NPAS3: variants seen among roughly 807,000 people sequenced by gnomAD.
The protein encoded by NPAS3 is neuronal PAS domain protein 3.
Under a neutral mutation model 73.1 loss-of-function variants are expected in NPAS3, and 14 were observed. That is an observed-to-expected ratio of 0.19 (90% CI 0.13 to 0.30). The LOEUF (loss-of-function observed/expected upper bound fraction) is 0.30, where lower values mean the gene tolerates loss of function less well. NPAS3 is among the 10% of genes least tolerant of loss of function. The pLI is 1.00. For missense variants in NPAS3, 1,096 were observed against 1,250.0 expected, an observed-to-expected ratio of 0.88 and a Z score of 1.86; for synonymous variants, 620 against 541.5, an observed-to-expected ratio of 1.14 and a Z score of -2.01.
intron 4 of NPAS3, among the ~76,000 whole-genome samples, chr14:33,440,667 T>C (rs944320305): frequency 6.6e-6 from 1 of 151,774 alleles, no homozygotes; most frequent in Non-Finnish European, 1.5e-5. Context: ...CTGAGGCGGG[T>C]GGATCACCTG....
At chr14:33,335,068 G>GTGTGTGTGTGTGTGTGTGTGTGTGTA (rs1366925163) in intron 3 of NPAS3, among the ~76,000 whole-genome samples, 1 of 150,950 alleles carries the variant, frequency 6.6e-6, no homozygotes, top group African/African-American at 2.5e-5. Flanking sequence ...GTGTGTGTGT[G>GTGTGTGTGTGTGTGTGTGTGTGTGTA]TGTATCACAT....
At chr14:33,745,761 G>T (rs1392931756) in intron 7 of NPAS3, among the ~76,000 whole-genome samples, 1 of 152,174 alleles carries the variant, frequency 6.6e-6, no homozygotes, top group Non-Finnish European at 1.5e-5. Flanking sequence ...TATAGAAAAT[G>T]CATTTATTTC....
chr14:33,776,717 A>T (rs2062832156), intron 8 of NPAS3, among the ~76,000 whole-genome samples: 1 of 152,072 alleles, frequency 6.6e-6, no homozygotes, highest in African/African-American at 2.4e-5. Context: ...TGTTAATTTC[A>T]TTCCATTCAT....
intron 3 of NPAS3, among the ~76,000 whole-genome samples, chr14:33,282,928 G>A (rs2041689287): frequency 1.3e-5 from 2 of 152,130 alleles, no homozygotes; most frequent in African/African-American, 2.4e-5. Context: ...GACTACAGAA[G>A]CCTAACCCTG....
intron 2 of NPAS3, among the ~76,000 whole-genome samples, chr14:33,058,239 G>A (rs569916220): frequency 6.6e-6 from 1 of 152,248 alleles, no homozygotes; most frequent in South Asian, 2.1e-4. Context: ...GGGTCACAGG[G>A]CTGCAGTGAG....
chr14:33,581,464 A>C (rs2056659688), intron 5 of NPAS3, among the ~76,000 whole-genome samples: 1 of 152,248 alleles, frequency 6.6e-6, no homozygotes, highest in African/African-American at 2.4e-5. Flanking sequence ...ATATTGTAAA[A>C]AATCTGCTGC....
At chr14:33,148,657 A>G (rs75952685) in intron 2 of NPAS3, among the ~76,000 whole-genome samples, 2,007 of 152,242 alleles carry the variant, frequency 0.013, 50 homozygotes, top group African/African-American at 0.043. Context: ...AAAATCATTT[A>G]TGTGATTTGC....
intron 2 of NPAS3, among the ~76,000 whole-genome samples, chr14:33,065,580 A>G (rs1246530330): frequency 1.3e-5 from 2 of 152,048 alleles, no homozygotes; most frequent in Non-Finnish European, 2.9e-5. Flanking sequence ...TCGTATATCA[A>G]TTTGAGAATT....
chr14:33,344,333 A>G (rs547280805), intron 3 of NPAS3, among the ~76,000 whole-genome samples: 1 of 152,322 alleles, frequency 6.6e-6, no homozygotes, highest in African/African-American at 2.4e-5. Context: ...GCAATTAGTT[A>G]TTTCACTGTG....
chr14:33,017,261 C>T (rs1474756219), intron 1 of NPAS3, among the ~76,000 whole-genome samples: 1 of 152,114 alleles, frequency 6.6e-6, no homozygotes, highest in Non-Finnish European at 1.5e-5. Flanking sequence ...ATTGACAGCT[C>T]TTGAGAAGAC....
At chr14:33,371,742 TA>T (rs1566841667) in intron 4 of NPAS3, among the ~76,000 whole-genome samples, 1 of 152,182 alleles carries the variant, frequency 6.6e-6, no homozygotes, top group Non-Finnish European at 1.5e-5. Context: ...GCATATTTTC[TA>T]AAAAGAAAAG....
At chr14:33,533,423 G>A (rs1057422411) in intron 4 of NPAS3, among the ~76,000 whole-genome samples, 4 of 152,092 alleles carry the variant, frequency 2.6e-5, no homozygotes, top group African/African-American at 4.8e-5. Context: ...AGTGACAGAT[G>A]CTTTTGCTTC....
chr14:33,558,929 AAAT>A (rs1256650075), intron 4 of NPAS3, among the ~76,000 whole-genome samples: 1 of 151,970 alleles, frequency 6.6e-6, no homozygotes, highest in East Asian at 1.9e-4. Context: ...ACCTTGTTAA[AAAT>A]AACTATAAAG....
chr14:33,609,502 T>G (rs944571171), intron 5 of NPAS3, among the ~76,000 whole-genome samples: 1 of 151,936 alleles, frequency 6.6e-6, no homozygotes, highest in Admixed American at 6.6e-5. Flanking sequence ...GGTTCCTGTC[T>G]TAATTCATAA....
At position 33,465,830 on chromosome 14, in the gene NPAS3, TTTTA is replaced by T. The variant is rs557803113; in HGVS notation, c.469-94287_469-94284del. On this transcript the variant is annotated intron_variant, in intron 4 of 11. Transcript: ENST00000356141. Reference sequence around the variant, plus strand: ...ATATATTAATTTTATCATTATTCGGTTTTATTTGTTCTTAGTTTAGCCACCTCAA... The same window carrying T: ...ATATATTAATTTTATCATTATTCGGTTTTGTTCTTAGTTTAGCCACCTCAA... 4.5e-3 allele frequency among the ~76,000 whole-genome samples: 691 copies of T among 152,242 alleles called. 1 individual carries two copies. The highest frequency in any genetic ancestry group is 7.3e-3 in the Non-Finnish European group (495 of 68,016).
At chr14:33,238,250 A>G (rs2048104885) in intron 3 of NPAS3, among the ~76,000 whole-genome samples, 2 of 152,020 alleles carry the variant, frequency 1.3e-5, no homozygotes, top group South Asian at 4.1e-4. Context: ...GATATTGATA[A>G]TCTTCAAATA....
At chr14:33,291,424 AG>A (rs2042095209) in intron 3 of NPAS3, among the ~76,000 whole-genome samples, 1 of 152,196 alleles carries the variant, frequency 6.6e-6, no homozygotes, top group Non-Finnish European at 1.5e-5. Context: ...TTAAACAAGC[AG>A]TCTGTCATTA....
chr14:33,154,146 A>G (rs1227639344), intron 2 of NPAS3, among the ~76,000 whole-genome samples: 1 of 152,136 alleles, frequency 6.6e-6, no homozygotes, highest in Non-Finnish European at 1.5e-5. Context: ...AATTTGGATT[A>G]CCATTTTGGC....
chr14:33,120,620 T>C (rs1158072766), intron 2 of NPAS3, among the ~76,000 whole-genome samples: 1 of 152,098 alleles, frequency 6.6e-6, no homozygotes, highest in Non-Finnish European at 1.5e-5. Flanking sequence ...CAAAGTTTGG[T>C]CCATGGGCTA....
Sources: gnomAD v4.1 joint callset for allele counts (sites outside exome capture counted in the v4.1 genomes callset) on GRCh38, gnomAD v4.1.1 for gene constraint, MANE v1.5 for transcripts, NCBI Gene and HGNC (gene_info 2026-07-23, HGNC 2026-07-21) for gene names.